TBC1D17: variants seen among roughly 807,000 people sequenced by gnomAD.
The protein encoded by TBC1D17 is TBC1 domain family, member 17.
In TBC1D17, 69 loss-of-function variants were observed where a neutral mutation model predicts 78.8. The observed-to-expected ratio is 0.88, with a 90% CI of 0.72 to 1.07. TBC1D17 has a LOEUF of 1.07. TBC1D17 is among the 50% of genes least tolerant of loss of function. TBC1D17 has a pLI of 0.00. For synonymous variants in TBC1D17, 456 were observed against 358.3 expected (o/e 1.27, Z -3.08); for missense variants, 957 against 861.0 (o/e 1.11, Z -1.39).
At chr19:49,887,939 C>G (rs1234767049) in intron 15 of TBC1D17, 105 bp downstream of exon 15, 2 of 1,102,624 alleles carry the variant, frequency 1.8e-6, no homozygotes, top group Non-Finnish European at 2.6e-6. Flanking sequence ...TATTGAAAGC[C>G]TGGTTAGTTG....
intron 3 of TBC1D17, chr19:49,878,836 C>T: frequency 2.1e-6 from 1 of 471,690 alleles, no homozygotes; most frequent in South Asian, 2.9e-5. Flanking sequence ...CTTGGGAGAT[C>T]CCTGCCAGGG....
chr19:49,886,766 TGGG>T (rs1017786476), intron 13 of TBC1D17: 2 of 152,244 alleles, frequency 1.3e-5, no homozygotes, highest in Non-Finnish European at 2.9e-5. Flanking sequence ...TGAGTTAACT[TGGG>T]GGGAAAAAAA....
chr19:49,888,699 C>G lies in TBC1D17; in HGVS notation c.*75C>G. ...ACACCTGCGAGGGGGCAGGTGTGCTCCGCCGCCCTGCTGATAAGCTGGCTT... is the reference window on the plus strand; with the variant it reads ...ACACCTGCGAGGGGGCAGGTGTGCTGCGCCGCCCTGCTGATAAGCTGGCTT... On this transcript the variant is annotated 3_prime_UTR_variant, in exon 17 of 17. Coordinates refer to ENST00000221543, the MANE Select transcript of TBC1D17 (RefSeq NM_024682.3). The G allele has an allele frequency of 7.6e-7, 1 of 1,311,944 alleles. No individual in the cohort carries two copies. Among genetic ancestry groups the G allele is most frequent in the Non-Finnish European group, 1.0e-6 (1 of 977,914 alleles). The allele number at this position is 1,311,944 out of a possible 1,614,324, so 81.3% of individuals were successfully genotyped here.
At chr19:49,886,835 A>T (rs1286043643) in intron 13 of TBC1D17, 2 of 152,354 alleles carry the variant, frequency 1.3e-5, no homozygotes, top group African/African-American at 2.4e-5. Context: ...TCGCTCTGTT[A>T]CCCAGGCTGG....
chr19:49,880,869 C>A (rs2075006497), intron 4 of TBC1D17, among the ~76,000 whole-genome samples: 1 of 152,216 alleles, frequency 6.6e-6, no homozygotes, highest in South Asian at 2.1e-4. Flanking sequence ...GAGAGAGCAG[C>A]CCGTGCAAGC....
rs1258055150 is a variant in TBC1D17, at chr19:49,878,632, A to G, written c.195+60A>G. The stretch of plus-strand genomic sequence containing the variant: ...TTTTTTTCTAGGTCCGTGCTGTTGT[A>G]AGTCATTTGAGGGACCTGCGTACAA... On this transcript the variant is annotated intron_variant, in intron 3 of 16. Transcript: ENST00000221543. 2.6e-6 allele frequency: 4 copies of G among 1,543,456 alleles called. No individual in the cohort carries two copies. In the African/African-American group the frequency reaches 4.1e-5, roughly 16 times the overall value.
chr19:49,880,216 G>A, intron 3 of TBC1D17, 63 bp from the exon 4 acceptor site: 1 of 1,585,054 alleles, frequency 6.3e-7, no homozygotes, highest in Non-Finnish European at 8.6e-7. Flanking sequence ...ATCTTCCAGG[G>A]TAGCCTCGAG....
intron 3 of TBC1D17, chr19:49,879,086 G>A (rs1015842040): frequency 1.3e-5 from 2 of 153,482 alleles, no homozygotes; most frequent in African/African-American, 4.8e-5. Context: ...GATAGATGAG[G>A]TCGAAAACGC....
At chr19:49,878,933 T>C (rs1666945091) in intron 3 of TBC1D17, 1 of 255,728 alleles carries the variant, frequency 3.9e-6, no homozygotes, top group South Asian at 5.4e-5. Flanking sequence ...CTCACCCACT[T>C]CGTCACTGCT....
At chr19:49,881,195 A>G in intron 4 of TBC1D17, 73 bp from the exon 5 acceptor site, 1 of 1,397,780 alleles carries the variant, frequency 7.2e-7, no homozygotes, top group Non-Finnish European at 9.9e-7. Flanking sequence ...CCGAAGGAAC[A>G]TCCTGGGTTG....
intron 1 of TBC1D17, 142 bp downstream of exon 1, chr19:49,877,886 T>C: frequency 9.4e-7 from 1 of 1,060,376 alleles, no homozygotes; most frequent in Non-Finnish European, 1.4e-6. Flanking sequence ...GCCGTCACCC[T>C]CCCGTCCACC....
At chr19:49,884,196 G>T in intron 10 of TBC1D17, 57 bp from the exon 11 acceptor site, 1 of 1,508,738 alleles carries the variant, frequency 6.6e-7, no homozygotes, top group Non-Finnish European at 9.2e-7. Context: ...CTGGTGGCCA[G>T]CAGGGATGGG....
chr19:49,885,936 T>C (rs981169098), intron 13 of TBC1D17, among the ~76,000 whole-genome samples: 24 of 144,814 alleles, frequency 1.7e-4, no homozygotes, highest in Non-Finnish European at 2.8e-4. Flanking sequence ...GATTGTGCCA[T>C]TGCACTCCAG....
At chr19:49,887,916 T>A (rs571569630) in intron 15 of TBC1D17, 82 bp downstream of exon 15, 3 of 1,199,610 alleles carry the variant, frequency 2.5e-6, no homozygotes, top group Non-Finnish European at 3.5e-6. Flanking sequence ...GGAGCAGGTG[T>A]TTAGTGTGGG....
In TBC1D17 at chr19:49,886,018, C is replaced by T. The variant is rs113967504; in HGVS notation, c.1444+1260C>T. Among the ~76,000 whole-genome samples the T allele has an allele frequency of 3.2e-3, 464 of 146,248 alleles. 4 individuals carry two copies. Among genetic ancestry groups the T allele is most frequent in the African/African-American group, 0.011 (435 of 39,166 alleles). ...AAAAAAGGTCGGGTGTGGTGGCTCA[C>T]GCCTGTAATCCAGCACTTTGGGAGG... On this transcript the variant is annotated intron_variant, in intron 13 of 16. Coordinates refer to ENST00000221543, the MANE Select transcript of TBC1D17 (RefSeq NM_024682.3).
chr19:49,877,834 A>C (rs2074969288), intron 1 of TBC1D17, 90 bp downstream of exon 1: 1 of 1,449,956 alleles, frequency 6.9e-7, no homozygotes, highest in East Asian at 2.5e-5. Flanking sequence ...GGCTCTCGAG[A>C]ATCCGGCACG....
Position 49,881,440 on chromosome 19 carries a change from G to T in TBC1D17, c.492G>T (p.Leu164=). The change falls in exon 5 of 17, where the codon CTG becomes CTT. Residue 164 remains leucine, a synonymous_variant. Transcript: ENST00000221543. ...TCCACCGCGGGGGCACCCGCGCCCTGCTCCGCGTCCTCAGCCGCTACCTGC... is the reference window on the plus strand; with the variant it reads ...TCCACCGCGGGGGCACCCGCGCCCTTCTCCGCGTCCTCAGCCGCTACCTGC... The part of the protein sequence containing the change: ...LHFHRGGTRA[L]LRVLSRYLLL... 6.2e-7 allele frequency: 1 copy of T among 1,611,376 alleles called. No homozygotes were observed.
chr19:49,884,691 G>T lies in TBC1D17; in HGVS notation c.1377G>T (p.Met459Ile), dbSNP rs199533550. The T allele has an allele frequency of 3.1e-6, 5 of 1,614,024 alleles. No homozygotes were observed. In the African/African-American group the frequency reaches 6.7e-5, roughly 22 times the overall value. Residue 459 changes from methionine to isoleucine, a missense_variant, in exon 13 of 17, where the codon ATG becomes ATT. Coordinates refer to ENST00000221543, the MANE Select transcript of TBC1D17 (RefSeq NM_024682.3). Reference sequence around the variant, plus strand: ...ACTTTGAAGAGAGCCAGGAGACCATGAAGCGGCAACTCGGGCGACTGCTGC... The same window carrying T: ...ACTTTGAAGAGAGCCAGGAGACCATTAAGCGGCAACTCGGGCGACTGCTGC... ...QGNFEESQET[M>I]KRQLGRLLLL...
rs761052874 is a variant in TBC1D17 at position 49,884,497 on chromosome 19, C to G, written c.1282C>G (p.Leu428Val). The G allele has an allele frequency of 1.2e-6, 2 of 1,614,058 alleles. No individual in the cohort carries two copies. The highest frequency in any genetic ancestry group is 2.7e-5 in the African/African-American group (2 of 74,932). ...CATGAGTGATCTTCTCTCCCCGATC[C>G]TCTACGTCATTCAGAACGAGGTGGA... ...QGMSDLLSPI[L>V]YVIQNEVDAF... The change falls in exon 12 of 17, where the codon CTC becomes GTC. Residue 428 changes from leucine to valine, a missense_variant. Transcript: ENST00000221543.
Sources: allele counts gnomAD v4.1 joint callset (sites outside exome capture counted in the v4.1 genomes callset), GRCh38; gene constraint gnomAD v4.1.1; transcripts MANE v1.5; gene names NCBI Gene and HGNC (gene_info 2026-07-23, HGNC 2026-07-21).